LARP1: variants seen among roughly 807,000 people sequenced by gnomAD.
LARP1 encodes the protein la-related protein 1.
A neutral mutation model predicts 122.7 loss-of-function variants in LARP1; 36 were observed. That is an observed-to-expected ratio of 0.29 (90% CI 0.22 to 0.39). The LOEUF (loss-of-function observed/expected upper bound fraction) is 0.39, where lower values mean the gene tolerates loss of function less well. LARP1 is among the 10% of genes least tolerant of loss of function. The pLI, the probability that LARP1 is intolerant of heterozygous loss-of-function variation, is 1.00. For synonymous variants in LARP1, 539 were observed against 528.7 expected (o/e 1.02, Z -0.27); for missense variants, 1,040 against 1,403.6 (o/e 0.74, Z 4.14).
chr5:154,698,352 T>G (rs1193553028), intron 1 of LARP1, among the ~76,000 whole-genome samples: 9 of 152,128 alleles, frequency 5.9e-5, no homozygotes, highest in Admixed American at 2.0e-4. Context: ...ATCCCAGCAC[T>G]TTGGGAGGCC....
rs539071211 is a variant in LARP1 at position 154,813,345 on chromosome 5, T to C, written c.3082-542T>C. 9.2e-5 allele frequency among the ~76,000 whole-genome samples: 14 copies of C among 152,246 alleles called. No homozygotes were observed. In the South Asian group the frequency reaches 1.9e-3, roughly 20 times the overall value. On this transcript the variant is annotated intron_variant, in intron 18 of 18. Transcript: ENST00000518297. ...CGTCTGTCTTCGGGGTTATAAGACC[T>C]TTGTTAGTGGTAAGGCCAGTCTGGA... is the stretch of plus-strand genomic sequence containing the variant.
chr5:154,715,105 G>A (rs760043167), intron 1 of LARP1, among the ~76,000 whole-genome samples: 13 of 150,724 alleles, frequency 8.6e-5, no homozygotes, highest in South Asian at 2.1e-4. Context: ...GCTTGAACCC[G>A]GGAGGCAGAG....
chr5:154,801,928 TCC>T (rs1376636794), intron 10 of LARP1, 77 bp from the exon 11 acceptor site: 1 of 1,366,558 alleles, frequency 7.3e-7, no homozygotes, highest in Admixed American at 2.2e-5. Context: ...GGCTGGAGCT[TCC>T]CTCTCATGGT....
chr5:154,701,299 GAATT>G (rs1754701250), intron 1 of LARP1, among the ~76,000 whole-genome samples: 2 of 152,186 alleles, frequency 1.3e-5, no homozygotes, highest in Admixed American at 6.5e-5. Context: ...TTGTCTGACA[GAATT>G]GATGTTTACT....
Position 154,804,319 on chromosome 5 carries a change from A to T in LARP1, c.2546+12A>T, listed in dbSNP as rs1464873434. ...ACTGCTTCCATCAGGTACCTGGGGC[A>T]GTGGGGGAAGAGTGATCAGGCTGCC... On this transcript the variant is annotated intron_variant, in intron 14 of 18. Transcript: ENST00000518297. 18 of 1,599,594 alleles carry T rather than the reference A, an allele frequency of 1.1e-5. No homozygotes were observed. Among genetic ancestry groups the T allele is most frequent in the Non-Finnish European group, 1.5e-5 (18 of 1,166,892 alleles).
Position 154,794,131 on chromosome 5 carries a change from G to C in LARP1, c.1101G>C (p.Lys367Asn), listed in dbSNP as rs1757564890. Residue 367 changes from lysine to asparagine, a missense_variant, in exon 7 of 19, where the codon AAG becomes AAC. Lys to Asn is a moderately conservative substitution (Grantham distance 94, BLOSUM62 0). Transcript: ENST00000518297. ...THFDYQFGYR[K>N]FDGVEGPRTP... is the part of the protein sequence containing the mutation. ...TTGACTACCAGTTTGGCTACCGAAA[G>C]TTTGATGGTGTGGAGGGGCCTCGTA... 3.1e-6 allele frequency: 5 copies of C among 1,614,216 alleles called. No individual in the cohort carries two copies. The highest frequency in any genetic ancestry group is 4.2e-6 in the Non-Finnish European group (5 of 1,180,042).
chr5:154,719,561 T>C (rs1755726416), intron 1 of LARP1, among the ~76,000 whole-genome samples: 1 of 152,212 alleles, frequency 6.6e-6, no homozygotes. Context: ...TGAAGTCTAG[T>C]GGCAGATATA....
At chr5:154,786,420 G>A (rs1756890008) in intron 1 of LARP1, 2 of 455,734 alleles carry the variant, frequency 4.4e-6, no homozygotes, top group South Asian at 1.5e-5. Flanking sequence ...ACCAGAATTA[G>A]TACTGGCTCC....
At chr5:154,760,194 TC>T (rs1471963439) in intron 1 of LARP1, among the ~76,000 whole-genome samples, 1 of 152,134 alleles carries the variant, frequency 6.6e-6, no homozygotes, top group African/African-American at 2.4e-5. Context: ...TGCCTTGGCC[TC>T]CCAAAGTTTT....
At chr5:154,719,108 T>A (rs1755696697) in intron 1 of LARP1, among the ~76,000 whole-genome samples, 1 of 152,168 alleles carries the variant, frequency 6.6e-6, no homozygotes, top group South Asian at 2.1e-4. Flanking sequence ...CTGGGAAGCC[T>A]GGCTGGGATA....
intron 1 of LARP1, among the ~76,000 whole-genome samples, chr5:154,691,881 C>A (rs1433360576): frequency 3.3e-4 from 50 of 151,966 alleles, no homozygotes; most frequent in Non-Finnish European, 1.0e-4. Flanking sequence ...CCTCCCCCTC[C>A]GGGGCTTAGG....
At chr5:154,776,269 T>C (rs7715619) in intron 1 of LARP1, among the ~76,000 whole-genome samples, 3,264 of 152,334 alleles carry the variant, frequency 0.021, 113 homozygotes, top group African/African-American at 0.075. Flanking sequence ...ACCTTCATTC[T>C]TCTGGCAAAG....
Position 154,809,699 on chromosome 5 carries a change from C to CTTTT in LARP1, c.2843+1111_2843+1114dup, listed in dbSNP as rs773095772. Reference sequence around the variant, plus strand: ...CCTTAAGTATACATTTATACTATTTCTTTTTTTTTTTTTTTTTTGAGGTGG... The same window carrying CTTTT: ...CCTTAAGTATACATTTATACTATTTCTTTTTTTTTTTTTTTTTTTTTTGAGGTGG... On this transcript the variant is annotated intron_variant, in intron 16 of 18. Coordinates refer to ENST00000518297, the MANE Select transcript of LARP1 (RefSeq NM_033551.3). Among the ~76,000 whole-genome samples the CTTTT allele has an allele frequency of 2.1e-4, 28 of 134,942 alleles. 1 individual carries two copies. The highest frequency in any genetic ancestry group is 6.8e-4 in the African/African-American group (25 of 36,896). The allele number at this position is 134,942 out of a possible 152,430, so 88.5% of individuals were successfully genotyped here. A position where few individuals can be genotyped will look rare whatever the true frequency, so the allele number is the denominator to read the frequency against.
At chr5:154,771,475 C>T (rs1056770119) in intron 1 of LARP1, among the ~76,000 whole-genome samples, 1 of 152,208 alleles carries the variant, frequency 6.6e-6, no homozygotes, top group African/African-American at 2.4e-5. Context: ...TAGTAAGTAG[C>T]TGGGGTTTGA....
chr5:154,792,596 C>A (rs751972319), intron 3 of LARP1, 26 bp from the exon 4 acceptor site: 1 of 1,610,300 alleles, frequency 6.2e-7, no homozygotes, highest in South Asian at 1.1e-5. Context: ...ACACTCACCT[C>A]ACTGTTACTT....
Position 154,719,319 on chromosome 5 carries a change from A to G in LARP1, c.205+6189A>G, listed in dbSNP as rs569728527. Among the ~76,000 whole-genome samples, 18 of 152,284 alleles carry G rather than the reference A, an allele frequency of 1.2e-4. No individual in the cohort carries two copies. In the East Asian group the frequency reaches 3.3e-3, roughly 28 times the overall value. ...ATACCCTCTTTTGGCAGCCTTCAGCAAGCTCCCAGCTCCCTCTCTTCTGGA... is the reference window on the plus strand; with the variant it reads ...ATACCCTCTTTTGGCAGCCTTCAGCGAGCTCCCAGCTCCCTCTCTTCTGGA... On this transcript the variant is annotated intron_variant, in intron 1 of 18. Coordinates refer to the LARP1 transcript ENST00000336314.
upstream of LARP1, among the ~76,000 whole-genome samples, chr5:154,754,816 G>T (rs1216067430): frequency 1.3e-5 from 2 of 152,208 alleles, no homozygotes; most frequent in Non-Finnish European, 2.9e-5. Context: ...GGCCAGGCCC[G>T]CCGGGCACAG....
chr5:154,816,077 C>T lies in LARP1; in HGVS notation c.*1981C>T, dbSNP rs1024805474. ...CACCTTGTTAATTTTTAGCCTGTGCCCTTCCCCACCTTTGCCCTCCCAGTG... is the reference window on the plus strand; with the variant it reads ...CACCTTGTTAATTTTTAGCCTGTGCTCTTCCCCACCTTTGCCCTCCCAGTG... On this transcript the variant is annotated 3_prime_UTR_variant, in exon 19 of 19. Transcript: ENST00000518297. The T allele has an allele frequency of 6.6e-6, 1 of 152,608 alleles. No homozygotes were observed. Among genetic ancestry groups the T allele is most frequent in the Non-Finnish European group, 1.5e-5 (1 of 68,066 alleles). 9.5% of individuals were successfully genotyped at this position (152,608 alleles called of 1,614,324 possible). A position where few individuals can be genotyped will look rare whatever the true frequency, so the allele number is the denominator to read the frequency against.
At chr5:154,708,363 G>T (rs1487491412), upstream of LARP1, among the ~76,000 whole-genome samples, 1 of 152,144 alleles carries the variant, frequency 6.6e-6, no homozygotes, top group African/African-American at 2.4e-5. Context: ...TATGTCACAC[G>T]AGTTTTGCAA....
Sources: gnomAD v4.1 joint callset for allele counts (sites outside exome capture counted in the v4.1 genomes callset) on GRCh38, gnomAD v4.1.1 for gene constraint, MANE v1.5 for transcripts, NCBI Gene and HGNC (gene_info 2026-07-23, HGNC 2026-07-21) for gene names.